The following GALNT5 variants were observed in gnomAD, a reference collection of about 807,000 sequenced individuals.
GALNT5 encodes polypeptide N-acetylgalactosaminyltransferase 5.
GALNT5 carries 72 observed loss-of-function variants against 85.4 expected under a neutral mutation model. That is an observed-to-expected ratio of 0.84 (90% confidence interval 0.70 to 1.03). The LOEUF (loss-of-function observed/expected upper bound fraction) is 1.03, where lower values mean the gene tolerates loss of function less well. GALNT5 is among the 50% of genes least tolerant of loss of function. The pLI, the probability that GALNT5 is intolerant of heterozygous loss-of-function variation, is 0.00. For missense variants in GALNT5, 1,137 were observed against 1,135.5 expected (o/e 1.00, Z -0.02); for synonymous variants, 404 against 397.0 (o/e 1.02, Z -0.21).
intron 8 of GALNT5, among the ~76,000 whole-genome samples, chr2:157,307,940 GC>G (rs1487657686): frequency 6.6e-6 from 1 of 152,126 alleles, no homozygotes; most frequent in African/African-American, 2.4e-5. Context: ...TTAGACACTG[GC>G]AATTTCTCCA....
intron 2 of GALNT5, among the ~76,000 whole-genome samples, chr2:157,285,389 T>C (rs555527226): frequency 6.6e-6 from 1 of 152,158 alleles, no homozygotes; most frequent in Non-Finnish European, 1.5e-5. Context: ...CAGGGTCCTG[T>C]CTAAGAAAAA....
At chr2:157,273,314 T>G (rs1263666011) in intron 1 of GALNT5, among the ~76,000 whole-genome samples, 1 of 152,222 alleles carries the variant, frequency 6.6e-6, no homozygotes, top group Non-Finnish European at 1.5e-5. Context: ...TTGGAATTGT[T>G]GGTAATTATG....
intron 3 of GALNT5, among the ~76,000 whole-genome samples, chr2:157,293,026 A>G (rs528031143): frequency 5.9e-5 from 9 of 152,266 alleles, no homozygotes; most frequent in African/African-American, 1.9e-4. Flanking sequence ...ACTACATTGT[A>G]TACCACTAGC....
chr2:157,263,549 A>C (rs1201219637), intron 1 of GALNT5, among the ~76,000 whole-genome samples: 1 of 152,210 alleles, frequency 6.6e-6, no homozygotes, highest in Non-Finnish European at 1.5e-5. Context: ...GAATCCTTGA[A>C]CGTCTGTTTT....
intron 1 of GALNT5, among the ~76,000 whole-genome samples, chr2:157,276,983 A>G (rs1682744522): frequency 6.6e-6 from 1 of 151,310 alleles, no homozygotes; most frequent in Non-Finnish European, 1.5e-5. Flanking sequence ...CCCTCTACAC[A>G]CTGCTTTAAA....
chr2:157,273,172 C>A (rs1293952148), intron 1 of GALNT5, among the ~76,000 whole-genome samples: 1 of 152,166 alleles, frequency 6.6e-6, no homozygotes, highest in African/African-American at 2.4e-5. Flanking sequence ...AGTCTCATCA[C>A]TCTGGTCTTT....
rs1020817993 is a variant in GALNT5, at chr2:157,263,069, T to C, written c.1454+3533T>C. Reference sequence around the variant, plus strand: ...GTCTCGATCTCCTGACCTCATGATCTGCCCGCCTTGGCCTCCCAAAATGCT... The same window carrying C: ...GTCTCGATCTCCTGACCTCATGATCCGCCCGCCTTGGCCTCCCAAAATGCT... On this transcript the variant is annotated intron_variant, in intron 1 of 9. Coordinates refer to ENST00000259056, the MANE Select transcript of GALNT5 (RefSeq NM_014568.3). Among the ~76,000 whole-genome samples, 179 of 151,754 alleles carry C rather than the reference T, an allele frequency of 1.2e-3. 2 individuals are homozygous for C. The highest frequency in any genetic ancestry group is 1.2e-3 in the Non-Finnish European group (81 of 68,006).
rs1386128726 is a variant in GALNT5, at chr2:157,289,394, A to T, written c.1741+3260A>T. Among the ~76,000 whole-genome samples the T allele has an allele frequency of 2.0e-5, 3 of 152,378 alleles. No individual in the cohort carries two copies. The East Asian group carries it at 5.8e-4, about 29-fold the overall frequency. On this transcript the variant is annotated intron_variant, in intron 3 of 9. Coordinates refer to ENST00000259056, the MANE Select transcript of GALNT5 (RefSeq NM_014568.3). ...ACCATTTTGACAATGGCTTGTGTAG[A>T]AATAAATGTTTCATCACAACTCAGT... is the stretch of plus-strand genomic sequence containing the variant.
Position 157,295,667 on chromosome 2 carries a change from T to C in GALNT5, c.1746T>C (p.Asp582=), listed in dbSNP as rs746556900. 3.7e-6 allele frequency: 6 copies of C among 1,612,476 alleles called. No homozygotes were observed. Among genetic ancestry groups the C allele is most frequent in the East Asian group, 2.2e-5 (1 of 44,846 alleles). The change falls in exon 4 of 10, where the codon GAT becomes GAC. Residue 582 remains aspartate (D), a synonymous_variant. Coordinates refer to ENST00000259056, the MANE Select transcript of GALNT5 (RefSeq NM_014568.3). ...TGTGTGTGTTTGGCCCTCTAGGTGA[T>C]GTGTTGACATTTTTAGATTCTCATG... ...RLAGAQNATG[D]VLTFLDSHVE...
At chr2:157,302,794 T>C (rs1004008368) in intron 7 of GALNT5, among the ~76,000 whole-genome samples, 1 of 152,214 alleles carries the variant, frequency 6.6e-6, no homozygotes, top group African/African-American at 2.4e-5. Context: ...TCCGCTATAC[T>C]ATATCAAAAT....
intron 1 of GALNT5, among the ~76,000 whole-genome samples, chr2:157,283,999 A>T (rs1035003270): frequency 6.6e-6 from 1 of 152,184 alleles, no homozygotes; most frequent in Non-Finnish European, 1.5e-5. Flanking sequence ...TGATGTCTGC[A>T]TGGGACATTC....
At chr2:157,307,379 C>A (rs893343241) in intron 8 of GALNT5, among the ~76,000 whole-genome samples, 5 of 152,192 alleles carry the variant, frequency 3.3e-5, no homozygotes, top group African/African-American at 9.6e-5. Flanking sequence ...AAGCTCTATC[C>A]CTTACCTTAC....
intron 1 of GALNT5, among the ~76,000 whole-genome samples, chr2:157,283,011 T>C (rs758991887): frequency 6.6e-6 from 1 of 152,248 alleles, no homozygotes; most frequent in Admixed American, 6.5e-5. Context: ...ACCATGTTAT[T>C]TGGCAGAAGT....
chr2:157,280,624 C>G (rs1376735985), intron 1 of GALNT5, among the ~76,000 whole-genome samples: 1 of 152,294 alleles, frequency 6.6e-6, no homozygotes, highest in African/African-American at 2.4e-5. Context: ...GCTGCTATAA[C>G]AAGTACCCAA....
At position 157,258,388 on chromosome 2, in the gene GALNT5, G is replaced by A. The variant is rs1182315230; in HGVS notation, c.306G>A (p.Glu102=). 9 of 1,611,380 alleles carry A rather than the reference G, an allele frequency of 5.6e-6. No individual in the cohort carries two copies. The highest frequency in any genetic ancestry group is 7.6e-6 in the Non-Finnish European group (9 of 1,179,120). Residue 102 remains glutamate (E), a synonymous_variant, in exon 1 of 10, where the codon GAG becomes GAA. Transcript: ENST00000259056. ...CTGAGGAGAGTGTGCTCAAGGTTGA[G>A]GTGGACTTGGACCAAACCCAGAGGG... The part of the protein sequence containing the change: ...RKTEESVLKV[E]VDLDQTQRER...
chr2:157,311,536 T>C lies in GALNT5; in HGVS notation c.*188T>C, dbSNP rs1683570267. 2.0e-6 allele frequency: 1 copy of C among 493,478 alleles called. No individual in the cohort carries two copies. The highest frequency in any genetic ancestry group is 2.0e-5 in the African/African-American group (1 of 48,998). 30.6% of individuals were successfully genotyped at this position (493,478 alleles called of 1,614,324 possible). A position where few individuals can be genotyped will look rare whatever the true frequency, so the allele number is the denominator to read the frequency against. Reference sequence around the variant, plus strand: ...TCAGGAAAACAGTCCAACATTGGACTGAAGTCCTTCTTCGGAACTGGGTGG... The same window carrying C: ...TCAGGAAAACAGTCCAACATTGGACCGAAGTCCTTCTTCGGAACTGGGTGG... On this transcript the variant is annotated 3_prime_UTR_variant, in exon 10 of 10. Transcript: ENST00000259056.
chr2:157,259,342 G>GC lies in GALNT5; in HGVS notation c.1261dup (p.His421ProfsTer7), dbSNP rs746948189. Reference sequence around the variant, plus strand: ...CCCTTTTACCTGAAGACAGTGGAACGCACCAGGTGTTAAGAATTGATGTGA... The same window carrying GC: ...CCCTTTTACCTGAAGACAGTGGAACGCCACCAGGTGTTAAGAATTGATGTGA... On this transcript the variant is annotated frameshift_variant, in exon 1 of 10. Transcript: ENST00000259056. LOFTEE classifies it high-confidence loss of function. 9 of 1,546,114 alleles carry GC rather than the reference G, an allele frequency of 5.8e-6. No homozygotes were observed. Among genetic ancestry groups the GC allele is most frequent in the Middle Eastern group, 3.5e-4 (2 of 5,754 alleles).
In GALNT5 at chr2:157,259,070, G is replaced by A. The variant is rs1292342436; in HGVS notation, c.988G>A (p.Glu330Lys). The A allele has an allele frequency of 8.8e-6, 13 of 1,475,086 alleles. No individual in the cohort carries two copies. The highest frequency in any genetic ancestry group is 1.2e-5 in the Non-Finnish European group (13 of 1,111,312). 91.4% of individuals were successfully genotyped at this position (1,475,086 alleles called of 1,614,324 possible). A position where few individuals can be genotyped will look rare whatever the true frequency, so the allele number is the denominator to read the frequency against. Reference sequence around the variant, plus strand: ...TCTTGTGATTATAACCAAAGAGGAAGAGCAAAAGGCAGACCCCAAAGAGGT... The same window carrying A: ...TCTTGTGATTATAACCAAAGAGGAAAAGCAAAAGGCAGACCCCAAAGAGGT... ...SHLVIITKEE[E>K]QKADPKEVSN... The change falls in exon 1 of 10, where the codon GAG (glutamate) becomes AAG (lysine). Residue 330 changes from glutamate (E) to lysine (K), a missense_variant. Physicochemically the swap from Glu to Lys is moderately conservative, Grantham distance 56. Coordinates refer to ENST00000259056, the MANE Select transcript of GALNT5 (RefSeq NM_014568.3).
rs1229955277 is a variant in GALNT5, at chr2:157,317,681, G to A, written c.*6333G>A. On this transcript the variant is annotated 3_prime_UTR_variant, in exon 10 of 10. Coordinates refer to ENST00000259056, the MANE Select transcript of GALNT5 (RefSeq NM_014568.3). The stretch of plus-strand genomic sequence containing the variant: ...TTATTATAAAGAAGGAATCAAGTAT[G>A]TAACTTTAAATTCTAGGTAAACATC... Among the ~76,000 whole-genome samples the A allele has an allele frequency of 6.6e-6, 1 of 152,136 alleles. No homozygotes were observed. The highest frequency in any genetic ancestry group is 1.5e-5 in the Non-Finnish European group (1 of 68,006).
Sources: allele counts gnomAD v4.1 joint callset (sites outside exome capture counted in the v4.1 genomes callset), GRCh38; gene constraint gnomAD v4.1.1; transcripts MANE v1.5; gene names NCBI Gene and HGNC (gene_info 2026-07-23, HGNC 2026-07-21).